POU2AF1: variants seen among roughly 807,000 people sequenced by gnomAD.
POU2AF1 encodes POU class 2 homeobox associating factor 1, also known as POU domain class 2-associating factor 1.
POU2AF1 carries 12 observed loss-of-function variants against 26.3 expected under a neutral mutation model. The observed-to-expected ratio is 0.46, with a 90% CI of 0.29 to 0.74. The LOEUF (loss-of-function observed/expected upper bound fraction) is 0.74. Among genes scored for constraint, POU2AF1 ranks in the 30% least tolerant of loss-of-function variants. POU2AF1 has a pLI of 0.09. For synonymous variants in POU2AF1, 175 were observed against 148.0 expected, an observed-to-expected ratio of 1.18 and a Z score of -1.32; for missense variants, 297 against 334.5, an observed-to-expected ratio of 0.89 and a Z score of 0.87.
chr11:111,378,506 C>T (rs1216426304), intron 1 of POU2AF1, among the ~76,000 whole-genome samples: 1 of 152,154 alleles, frequency 6.6e-6, no homozygotes, highest in Non-Finnish European at 1.5e-5. Flanking sequence ...TTGTTTCATC[C>T]AACTCCGGGG....
chr11:111,373,215 T>C (rs1861245776), intron 1 of POU2AF1, among the ~76,000 whole-genome samples: 1 of 152,258 alleles, frequency 6.6e-6, no homozygotes, highest in African/African-American at 2.4e-5. Context: ...ACCAAATAAG[T>C]TCTCCATTCC....
chr11:111,368,355 T>C (rs891159540), intron 1 of POU2AF1, among the ~76,000 whole-genome samples: 2 of 152,058 alleles, frequency 1.3e-5, no homozygotes, highest in Non-Finnish European at 2.9e-5. Flanking sequence ...CAGACCCTTG[T>C]CCCAGACACT....
intron 1 of POU2AF1, among the ~76,000 whole-genome samples, chr11:111,372,047 C>CAT (rs1421166360): frequency 3.3e-5 from 4 of 122,510 alleles, no homozygotes; most frequent in Non-Finnish European, 7.4e-5. Context: ...CACACACACA[C>CAT]ACACACACAC....
At chr11:111,355,562 T>G (rs1252209868) in intron 4 of POU2AF1, among the ~76,000 whole-genome samples, 2 of 152,124 alleles carry the variant, frequency 1.3e-5, no homozygotes, top group Non-Finnish European at 2.9e-5. Context: ...ACTGTTAGAA[T>G]CATTTAGGGC....
At chr11:111,370,125 C>T (rs959514289) in intron 1 of POU2AF1, among the ~76,000 whole-genome samples, 5 of 152,116 alleles carry the variant, frequency 3.3e-5, no homozygotes, top group South Asian at 2.1e-4. Context: ...GTGTAGCCTT[C>T]GCAAGTGAGA....
intron 1 of POU2AF1, among the ~76,000 whole-genome samples, chr11:111,375,568 T>G (rs897427903): frequency 1.3e-5 from 2 of 151,730 alleles, no homozygotes; most frequent in African/African-American, 4.8e-5. Context: ...CCAGCTAATT[T>G]TTTTGTATTT....
At chr11:111,358,962 G>A (rs367969219) in intron 1 of POU2AF1, 44 bp from the exon 2 acceptor site, 8 of 1,563,416 alleles carry the variant, frequency 5.1e-6, no homozygotes, top group East Asian at 2.2e-5. Context: ...CTTCTCAGAC[G>A]AGCCCCCACC....
chr11:111,354,824 C>T (rs1251553435), intron 4 of POU2AF1, among the ~76,000 whole-genome samples: 2 of 152,184 alleles, frequency 1.3e-5, no homozygotes, highest in Non-Finnish European at 2.9e-5. Context: ...GCTCAGAAGG[C>T]TCATTTTTCT....
chr11:111,363,143 A>C, intron 1 of POU2AF1: 3 of 1,011,528 alleles, frequency 3.0e-6, no homozygotes, highest in Non-Finnish European at 3.6e-6. Context: ...GCCCTGGCAC[A>C]ACAGACCATA....
At chr11:111,354,635 C>T in intron 4 of POU2AF1, 60 bp from the exon 5 acceptor site, 11 of 1,410,886 alleles carry the variant, frequency 7.8e-6, no homozygotes, top group Non-Finnish European at 1.0e-5. Context: ...TCCACCCATC[C>T]TTGCCCTTAG....
chr11:111,358,960 A>G lies in POU2AF1; in HGVS notation c.17-42T>C, dbSNP rs762247111. 3.2e-6 allele frequency: 5 copies of G among 1,563,498 alleles called. 1 individual carries two copies. Among genetic ancestry groups the G allele is most frequent in the Middle Eastern group, 3.4e-4 (2 of 5,896 alleles). ...CCCTGGAGCCCATGGTCCTTCTCAGACGAGCCCCCACCCCAAAGTGCTCAT... is the reference window on the plus strand; with the variant it reads ...CCCTGGAGCCCATGGTCCTTCTCAGGCGAGCCCCCACCCCAAAGTGCTCAT... On this transcript the variant is annotated intron_variant, in intron 1 of 4. Transcript: ENST00000393067.
chr11:111,355,905 T>A (rs1860836107), intron 4 of POU2AF1, among the ~76,000 whole-genome samples: 1 of 152,194 alleles, frequency 6.6e-6, no homozygotes, highest in African/African-American at 2.4e-5. Flanking sequence ...AGCCTCATGA[T>A]TCCCAGCTTT....
chr11:111,356,820 T>C (rs762510968), intron 4 of POU2AF1, among the ~76,000 whole-genome samples: 4 of 152,216 alleles, frequency 2.6e-5, no homozygotes, highest in Non-Finnish European at 4.4e-5. Flanking sequence ...GACCCTTTTC[T>C]TGGTATTCCC....
rs572360040 is a variant in POU2AF1, at chr11:111,377,776, G to C, written c.16+1386C>G. 16 of 182,874 alleles carry C rather than the reference G, an allele frequency of 8.7e-5. No individual in the cohort carries two copies. The East Asian group carries it at 1.3e-3, about 15-fold the overall frequency. The allele number at this position is 182,874 out of a possible 1,614,324, so 11.3% of individuals were successfully genotyped here. A position where few individuals can be genotyped will look rare whatever the true frequency, so the allele number is the denominator to read the frequency against. On this transcript the variant is annotated intron_variant, in intron 1 of 4. Transcript: ENST00000393067. ...CCAGTAAAAAGATGAATGCCCACCT[G>C]CTCTCATCCACACAGCACTCACAAC...
At chr11:111,357,109 G>T (rs1860860967) in intron 4 of POU2AF1, among the ~76,000 whole-genome samples, 1 of 152,194 alleles carries the variant, frequency 6.6e-6, no homozygotes, top group South Asian at 2.1e-4. Flanking sequence ...ACCCCATGTA[G>T]ATCTCGCCTG....
In POU2AF1 at chr11:111,354,478, G is replaced by A; in HGVS notation, c.554C>T (p.Thr185Ile). 6.2e-7 allele frequency: 1 copy of A among 1,609,658 alleles called. No individual in the cohort carries two copies. Among genetic ancestry groups the A allele is most frequent in the Non-Finnish European group, 8.5e-7 (1 of 1,178,406 alleles). The part of the protein sequence containing the change: ...TYFPWPQPLS[T>I]LPTSTLQYQP... ...GTACTGCAGGGTGGAGGTGGGTAGT[G>A]TGGAAAGGGGCTGAGGCCACGGGAA... is the stretch of plus-strand genomic sequence containing the variant. The change falls in exon 5 of 5, where the codon ACA becomes ATA. Residue 185 changes from threonine to isoleucine, a missense_variant. Thr to Ile is a moderately conservative substitution (Grantham distance 89). Coordinates refer to ENST00000393067, the MANE Select transcript of POU2AF1 (RefSeq NM_006235.3).
At chr11:111,372,840 G>T (rs936572834) in intron 1 of POU2AF1, among the ~76,000 whole-genome samples, 2 of 152,178 alleles carry the variant, frequency 1.3e-5, no homozygotes, top group Non-Finnish European at 2.9e-5. Context: ...GAAGTTGTGT[G>T]TTGGGAGGGA....
chr11:111,367,572 T>A (rs1861128459), intron 1 of POU2AF1, among the ~76,000 whole-genome samples: 1 of 152,022 alleles, frequency 6.6e-6, no homozygotes, highest in Non-Finnish European at 1.5e-5. Context: ...GCCTGCCTTG[T>A]CTCTGCCCGA....
At chr11:111,375,621 G>A (rs935795120) in intron 1 of POU2AF1, among the ~76,000 whole-genome samples, 21 of 151,878 alleles carry the variant, frequency 1.4e-4, no homozygotes, top group Non-Finnish European at 2.2e-4. Flanking sequence ...GGATGGTCTC[G>A]ATCTCCTGAC....
Sources: gnomAD v4.1 joint callset for allele counts (sites outside exome capture counted in the v4.1 genomes callset) on GRCh38, gnomAD v4.1.1 for gene constraint, MANE v1.5 for transcripts, NCBI Gene and HGNC (gene_info 2026-07-23, HGNC 2026-07-21) for gene names.